CCDC88B: variants seen among roughly 807,000 people sequenced by gnomAD.
The protein encoded by CCDC88B is coiled-coil and HOOK domain protein 88B.
Under a neutral mutation model 183.7 loss-of-function variants are expected in CCDC88B, and 138 were observed. The ratio of observed to expected loss-of-function variants is 0.75; its 90% CI spans 0.65 to 0.87. The LOEUF is 0.87. Ranked by LOEUF, CCDC88B falls within the 40% of genes least tolerant of loss-of-function variation. CCDC88B has a pLI of 0.00. For missense variants in CCDC88B, 1,822 were observed against 1,965.6 expected, an observed-to-expected ratio of 0.93 and a Z score of 1.38; for synonymous variants, 835 against 867.5, an observed-to-expected ratio of 0.96 and a Z score of 0.66.
rs763452352 is a variant in CCDC88B, at chr11:64,344,460, G to T, written c.1919G>T (p.Gly640Val). ...PQGELVPEAW[G>V]LRQEGPEHKP... is the part of the protein sequence containing the mutation. ...GGCGAGTTGGTGCCTGAGGCCTGGG[G>T]GTTGAGACAGGAGGGCCCTGAGCAC... Residue 640 changes from glycine (G) to valine (V), a missense_variant, in exon 14 of 27, where the codon GGG becomes GTG. Coordinates refer to ENST00000356786, the MANE Select transcript of CCDC88B (RefSeq NM_032251.6). This position sits in a 1 kb window ranked among gnomAD's most constrained non-coding sequence, Gnocchi z 4.5. 1.3e-6 allele frequency: 2 copies of T among 1,595,496 alleles called. No individual in the cohort carries two copies. The highest frequency in any genetic ancestry group is 2.2e-5 in the South Asian group (2 of 89,276).
chr11:64,345,150 T>C lies in CCDC88B; in HGVS notation c.2609T>C (p.Leu870Pro). The C allele has an allele frequency of 6.5e-7, 1 of 1,541,284 alleles. No individual in the cohort carries two copies. The highest frequency in any genetic ancestry group is 8.7e-7 in the Non-Finnish European group (1 of 1,149,332). ...AGGGAGCGCCGGGAGAAGGAGGCCC[T>C]CCAGGCGGTAGGTCAGGTTGGGGCT... is the stretch of plus-strand genomic sequence containing the variant. The part of the protein sequence containing the change: ...AERERREKEA[L>P]QAELEKAVVR... Residue 870 changes from leucine (L) to proline (P), a missense_variant, in exon 14 of 27, where the codon CTC becomes CCC. By Grantham distance (98) the Leu-to-Pro change is moderately conservative. Transcript: ENST00000356786.
Position 64,356,938 on chromosome 11 carries a change from G to C in CCDC88B, c.4376-101G>C, listed in dbSNP as rs535386582. 152 of 1,166,506 alleles carry C rather than the reference G, an allele frequency of 1.3e-4. 1 individual carries two copies. The highest frequency in any genetic ancestry group is 2.5e-4 in the Middle Eastern group (1 of 4,002). 72.3% of individuals were successfully genotyped at this position (1,166,506 alleles called of 1,614,324 possible). ...GTGCAGCTGGAAGCGGGGGGTATTG[G>C]CAGGTCGGGGGTGGGCAGAAGGTGC... On this transcript the variant is annotated intron_variant, in intron 26 of 26. Transcript: ENST00000356786.
In CCDC88B at chr11:64,344,145, C is replaced by T. The variant is rs769104707; in HGVS notation, c.1604C>T (p.Pro535Leu). 27 of 1,613,128 alleles carry T rather than the reference C, an allele frequency of 1.7e-5. No individual in the cohort carries two copies. Among genetic ancestry groups the T allele is most frequent in the South Asian group, 8.8e-5 (8 of 91,040 alleles). ...GGPQALDLAP[P>L]ALDSVLEASA... The stretch of plus-strand genomic sequence containing the variant: ...CCCCAGGCCTTGGACTTGGCTCCCC[C>T]GGCATTAGACTCAGTGCTCGAGGCA... Residue 535 changes from proline to leucine, a missense_variant, in exon 14 of 27, where the codon CCG (proline) becomes CTG (leucine). Physicochemically the swap from Pro to Leu is moderately conservative, Grantham distance 98. Transcript: ENST00000356786. The surrounding 1 kb of genome is among the most constrained non-coding windows in gnomAD (Gnocchi z 4.5).
intron 14 of CCDC88B, chr11:64,348,981 A>G (rs777762074): frequency 4.2e-6 from 3 of 717,266 alleles, no homozygotes. Context: ...TCGCTGTCAC[A>G]TGGCTGGGGT....
At position 64,353,082 on chromosome 11, in the gene CCDC88B, C is replaced by T. The variant is rs774521510; in HGVS notation, c.3529C>T (p.Arg1177Trp). 18 of 1,605,636 alleles carry T rather than the reference C, an allele frequency of 1.1e-5. No individual in the cohort carries two copies. The highest frequency in any genetic ancestry group is 4.5e-5 in the East Asian group (2 of 44,624). The part of the protein sequence containing the change: ...RAQMLLAELS[R>W]ERGELQGERG... Reference sequence around the variant, plus strand: ...TCAGATGCTGCTGGCAGAGTTGTCTCGGGAGCGGGGTGAGCTGCAGGGTGA... The same window carrying T: ...TCAGATGCTGCTGGCAGAGTTGTCTTGGGAGCGGGGTGAGCTGCAGGGTGA... The change falls in exon 21 of 27, where the codon CGG becomes TGG. Residue 1177 changes from arginine (R) to tryptophan (W), a missense_variant. Arg to Trp is a moderately radical substitution (Grantham distance 101). Coordinates refer to ENST00000356786, the MANE Select transcript of CCDC88B (RefSeq NM_032251.6).
rs531261884 is a variant in CCDC88B at position 64,351,145 on chromosome 11, G to C, written c.2863-15G>C. The stretch of plus-strand genomic sequence containing the variant: ...GCGGCTGTCCCGCATGACCTCCCAG[G>C]GACTCTCCTTGCAGCTGCGCCAGGG... On this transcript the variant is annotated splice_polypyrimidine_tract_variant and intron_variant, in intron 16 of 26. Transcript: ENST00000356786. 6 of 1,464,844 alleles carry C rather than the reference G, an allele frequency of 4.1e-6. No homozygotes were observed. The highest frequency in any genetic ancestry group is 5.4e-6 in the Non-Finnish European group (6 of 1,109,050). The allele number at this position is 1,464,844 out of a possible 1,614,324, so 90.7% of individuals were successfully genotyped here. A position where few individuals can be genotyped will look rare whatever the true frequency, so the allele number is the denominator to read the frequency against.
In CCDC88B at chr11:64,349,240, A is replaced by G. The variant is rs1223053061; in HGVS notation, c.2617-91A>G. ...TGATACGTGCCCAGGATGGCAGGTC[A>G]AGGACAGAAAGGCAGCTCTCTTGAC... On this transcript the variant is annotated intron_variant, in intron 14 of 26. Coordinates refer to ENST00000356786, the MANE Select transcript of CCDC88B (RefSeq NM_032251.6). 5 of 1,441,496 alleles carry G rather than the reference A, an allele frequency of 3.5e-6. No individual in the cohort carries two copies. In the African/African-American group the frequency reaches 7.1e-5, roughly 21 times the overall value. The allele number at this position is 1,441,496 out of a possible 1,614,324, so 89.3% of individuals were successfully genotyped here.
In CCDC88B at chr11:64,352,283, C is replaced by T. The variant is rs1481003017; in HGVS notation, c.3253C>T (p.Gln1085Ter). The T allele has an allele frequency of 1.9e-6, 3 of 1,581,426 alleles. No individual in the cohort carries two copies. Among genetic ancestry groups the T allele is most frequent in the East Asian group, 2.3e-5 (1 of 42,882 alleles). ...LRDHKALAQLQRRQEAELEGL... is the reference protein window; with the variant it reads ...LRDHKALAQL ...GGACCACAAGGCCCTGGCACAGCTG[C>T]AGCGGCGGCAGGAGGCCGAGCTAGA... The change falls in exon 19 of 27, where the codon CAG becomes TAG. Residue 1085 changes from glutamine to a stop codon, truncating the protein, a stop_gained. Transcript: ENST00000356786. LOFTEE classifies it high-confidence loss of function.
rs1352470538 is a variant in CCDC88B at position 64,351,536 on chromosome 11, C to T, written c.3019C>T (p.Gln1007Ter). The T allele has an allele frequency of 1.9e-6, 3 of 1,574,600 alleles. No individual in the cohort carries two copies. Among genetic ancestry groups the T allele is most frequent in the Non-Finnish European group, 2.6e-6 (3 of 1,168,436 alleles). ...GGGGCAGCTGCAGCACCTGGAGGGG[C>T]AGCTGGGGAGCCTGCAGGGCCGTGC... ...LQGQLQHLEG[Q>*]LGSLQGRAQE... The change falls in exon 18 of 27, where the codon CAG becomes TAG. Residue 1007 changes from glutamine (Q) to a stop codon, truncating the protein, a stop_gained. Coordinates refer to ENST00000356786, the MANE Select transcript of CCDC88B (RefSeq NM_032251.6). LOFTEE classifies it high-confidence loss of function.
Position 64,341,008 on chromosome 11 carries a change from A to G in CCDC88B, c.308A>G (p.Asp103Gly). ...AACCACCTGTGGGGCCGACTGAGGG[A>G]CTTCTACCAGGTAAGGGGTCTCGAG... is the stretch of plus-strand genomic sequence containing the variant. ...NLNHLWGRLRDFYQEELQLLI... is the reference protein window; with the variant it reads ...NLNHLWGRLRGFYQEELQLLI... Residue 103 changes from aspartate to glycine, a missense_variant, in exon 3 of 27, where the codon GAC becomes GGC. Coordinates refer to ENST00000356786, the MANE Select transcript of CCDC88B (RefSeq NM_032251.6). The G allele has an allele frequency of 6.2e-7, 1 of 1,610,346 alleles. No homozygotes were observed. The highest frequency in any genetic ancestry group is 8.5e-7 in the Non-Finnish European group (1 of 1,177,886).
Position 64,340,957 on chromosome 11 carries a change from C to A in CCDC88B, c.257C>A (p.Pro86His), listed in dbSNP as rs1212959212. The A allele has an allele frequency of 6.9e-6, 11 of 1,599,960 alleles. No homozygotes were observed. Among genetic ancestry groups the A allele is most frequent in the Non-Finnish European group, 9.4e-6 (11 of 1,172,250 alleles). ...CGGATGCTCAGAGGCCTTGACGGAC[C>A]TGCTGCCTGGCGAGTGTGGAACCTG... ...GPRMLRGLDG[P>H]AAWRVWNLNH... The change falls in exon 3 of 27, where the codon CCT (proline) becomes CAT (histidine). Residue 86 changes from proline to histidine, a missense_variant. Physicochemically the swap from Pro to His is moderately conservative, Grantham distance 77. Transcript: ENST00000356786.
Position 64,340,232 on chromosome 11 carries a change from A to C in CCDC88B, c.-35A>C. ...TTCCTCTTCCTCTCAGGGCAGGTGCAGCTGCCACAGTGAGACGGGCACCCC... is the reference window on the plus strand; with the variant it reads ...TTCCTCTTCCTCTCAGGGCAGGTGCCGCTGCCACAGTGAGACGGGCACCCC... On this transcript the variant is annotated 5_prime_UTR_variant, in exon 1 of 27. Coordinates refer to ENST00000356786, the MANE Select transcript of CCDC88B (RefSeq NM_032251.6). 1 of 1,240,224 alleles carries C rather than the reference A, an allele frequency of 8.1e-7. No homozygotes were observed. Among genetic ancestry groups the C allele is most frequent in the African/African-American group, 1.6e-5 (1 of 64,446 alleles). The allele number at this position is 1,240,224 out of a possible 1,614,324, so 76.8% of individuals were successfully genotyped here. A position where few individuals can be genotyped will look rare whatever the true frequency, so the allele number is the denominator to read the frequency against.
chr11:64,344,461 G>T lies in CCDC88B; in HGVS notation c.1920G>T (p.Gly640=), dbSNP rs764650036. The T allele has an allele frequency of 1.3e-6, 2 of 1,595,460 alleles. No individual in the cohort carries two copies. Among genetic ancestry groups the T allele is most frequent in the Non-Finnish European group, 1.7e-6 (2 of 1,171,412 alleles). The change falls in exon 14 of 27, where the codon GGG becomes GGT. Residue 640 remains glycine (G), a synonymous_variant. Coordinates refer to ENST00000356786, the MANE Select transcript of CCDC88B (RefSeq NM_032251.6). This position sits in a 1 kb window ranked among gnomAD's most constrained non-coding sequence, Gnocchi z 4.5. ...PQGELVPEAW[G]LRQEGPEHKP... is the part of the protein sequence containing the mutation. ...GCGAGTTGGTGCCTGAGGCCTGGGG[G>T]TTGAGACAGGAGGGCCCTGAGCACA...
chr11:64,342,548 G>A lies in CCDC88B; in HGVS notation c.930G>A (p.Lys310=), dbSNP rs965527783. Residue 310 remains lysine, a synonymous_variant, in exon 10 of 27, where the codon AAG becomes AAA. Coordinates refer to ENST00000356786, the MANE Select transcript of CCDC88B (RefSeq NM_032251.6). ...CCCAGGCGCTGTCGGGACAGGCCAAGCGGGCCGAGCTGTACCGCGAGGAGG... is the reference window on the plus strand; with the variant it reads ...CCCAGGCGCTGTCGGGACAGGCCAAACGGGCCGAGCTGTACCGCGAGGAGG... ...QEAQALSGQA[K]RAELYREEAE... The A allele has an allele frequency of 2.1e-5, 32 of 1,530,810 alleles. No individual in the cohort carries two copies. Among genetic ancestry groups the A allele is most frequent in the Non-Finnish European group, 2.4e-5 (28 of 1,144,740 alleles). 94.8% of individuals were successfully genotyped at this position (1,530,810 alleles called of 1,614,324 possible).
intron 14 of CCDC88B, 86 bp downstream of exon 14, chr11:64,345,243 G>T: frequency 7.0e-7 from 1 of 1,426,826 alleles, no homozygotes; most frequent in Non-Finnish European, 9.4e-7. Flanking sequence ...CAGCTGTTCA[G>T]TGGGTGCCCA....
chr11:64,342,052 C>G lies in CCDC88B; in HGVS notation c.734C>G (p.Ser245Cys). 1 of 1,611,926 alleles carries G rather than the reference C, an allele frequency of 6.2e-7. No homozygotes were observed. Among genetic ancestry groups the G allele is most frequent in the African/African-American group, 1.3e-5 (1 of 74,966 alleles). Reference sequence around the variant, plus strand: ...CTCTGCTTGAGGCCTGAGGCTCCCTCTAGGGCTCCCGCCGAGGGCCCCTCG... The same window carrying G: ...CTCTGCTTGAGGCCTGAGGCTCCCTGTAGGGCTCCCGCCGAGGGCCCCTCG... ...EPLCLRPEAPSRAPAEGPSHH... is the reference protein window; with the variant it reads ...EPLCLRPEAPCRAPAEGPSHH... The change falls in exon 8 of 27, where the codon TCT becomes TGT. Residue 245 changes from serine to cysteine, a missense_variant. By Grantham distance (112) the Ser-to-Cys change is moderately radical. Coordinates refer to ENST00000356786, the MANE Select transcript of CCDC88B (RefSeq NM_032251.6).
chr11:64,341,054 G>A, intron 3 of CCDC88B, 36 bp downstream of exon 3: 1 of 1,613,614 alleles, frequency 6.2e-7, no homozygotes, highest in South Asian at 1.1e-5. Flanking sequence ...AGACAGGAGG[G>A]GAAGAGGAGC....
chr11:64,348,413 G>A (rs1422887327), intron 14 of CCDC88B, among the ~76,000 whole-genome samples: 3 of 152,022 alleles, frequency 2.0e-5, no homozygotes, highest in East Asian at 1.9e-4. Context: ...GCCAGGGCCC[G>A]GAGGAGGGCA....
intron 9 of CCDC88B, 53 bp downstream of exon 9, chr11:64,342,428 G>T (rs1436277885): frequency 1.3e-6 from 2 of 1,547,600 alleles, no homozygotes; most frequent in Non-Finnish European, 1.7e-6. Context: ...CCCCGCACCC[G>T]GTCCCATTGC....
Sources: allele counts gnomAD v4.1 joint callset (sites outside exome capture counted in the v4.1 genomes callset), GRCh38; gene constraint gnomAD v4.1.1; non-coding constraint Gnocchi (gnomAD v3.1); transcripts MANE v1.5; gene names NCBI Gene and HGNC (gene_info 2026-07-23, HGNC 2026-07-21).